CBFA2T2: variants seen among roughly 807,000 people sequenced by gnomAD.
The protein encoded by CBFA2T2 is protein CBFA2T2.
In CBFA2T2, 11 loss-of-function variants were observed where a neutral mutation model predicts 62.2. The observed-to-expected ratio is 0.18, with a 90% CI of 0.11 to 0.29. The LOEUF (loss-of-function observed/expected upper bound fraction) is 0.29, where lower values mean the gene tolerates loss of function less well. Among genes scored for constraint, CBFA2T2 ranks in the 10% least tolerant of loss-of-function variants. The pLI, the probability that CBFA2T2 is intolerant of heterozygous loss-of-function variation, is 1.00. For missense variants in CBFA2T2, 592 were observed against 774.1 expected, an observed-to-expected ratio of 0.76 and a Z score of 2.79; for synonymous variants, 295 against 287.5, an observed-to-expected ratio of 1.03 and a Z score of -0.27.
chr20:33,529,059 T>C (rs1962780665), intron 1 of CBFA2T2, among the ~76,000 whole-genome samples: 1 of 152,168 alleles, frequency 6.6e-6, no homozygotes, highest in South Asian at 2.1e-4. Flanking sequence ...GGAGTCTTGT[T>C]CTGTCGCCCA....
At position 33,564,965 on chromosome 20, in the gene CBFA2T2, G is replaced by T. The variant is rs148610094; in HGVS notation, c.35-41991G>T. On this transcript the variant is annotated intron_variant, in intron 1 of 10. Coordinates refer to ENST00000342704, the MANE Select transcript of CBFA2T2 (RefSeq NM_001032999.3). ...GACGGAGTCTCGCTCTGTCACCCAGGCTGGAGTGCAGCGGCGCGATCTCGA... is the reference window on the plus strand; with the variant it reads ...GACGGAGTCTCGCTCTGTCACCCAGTCTGGAGTGCAGCGGCGCGATCTCGA... 1.4e-3 allele frequency among the ~76,000 whole-genome samples: 213 copies of T among 152,016 alleles called. 1 individual carries two copies. Among genetic ancestry groups the T allele is most frequent in the African/African-American group, 4.9e-3 (205 of 41,432 alleles).
chr20:33,637,399 G>A lies in CBFA2T2; in HGVS notation c.1297+691G>A, dbSNP rs183987110. 1.9e-4 allele frequency among the ~76,000 whole-genome samples: 29 copies of A among 152,282 alleles called. No homozygotes were observed. In the East Asian group the frequency reaches 2.1e-3, roughly 11 times the overall value. ...CCTACATTCATAAAGACTCTTTTAA[G>A]AGCATCTAGACAGTAGTAAACAAAT... On this transcript the variant is annotated intron_variant, in intron 9 of 10. Coordinates refer to ENST00000342704, the MANE Select transcript of CBFA2T2 (RefSeq NM_001032999.3).
chr20:33,535,207 G>A (rs959649362), intron 1 of CBFA2T2, among the ~76,000 whole-genome samples: 1 of 152,262 alleles, frequency 6.6e-6, no homozygotes, highest in Admixed American at 6.5e-5. Flanking sequence ...TCAACTGGTG[G>A]CCAGCTAGCC....
At chr20:33,533,512 A>C (rs902687459) in intron 1 of CBFA2T2, among the ~76,000 whole-genome samples, 7 of 152,000 alleles carry the variant, frequency 4.6e-5, no homozygotes. Context: ...TTTATTGTTG[A>C]GTAGTATTCT....
At chr20:33,599,868 A>G (rs2015045579) in intron 1 of CBFA2T2, among the ~76,000 whole-genome samples, 2 of 152,216 alleles carry the variant, frequency 1.3e-5, no homozygotes, top group Non-Finnish European at 2.9e-5. Flanking sequence ...TGCTGGGATT[A>G]CAGGCGTGAG....
intron 1 of CBFA2T2, among the ~76,000 whole-genome samples, chr20:33,503,504 C>T (rs1341811509): frequency 2.0e-5 from 3 of 152,076 alleles, no homozygotes; most frequent in African/African-American, 7.2e-5. Context: ...CCGCCCGCCT[C>T]GGCCTCCCAA....
intron 1 of CBFA2T2, among the ~76,000 whole-genome samples, chr20:33,588,218 G>A (rs1295200152): frequency 6.6e-6 from 1 of 151,878 alleles, no homozygotes; most frequent in Non-Finnish European, 1.5e-5. Flanking sequence ...TTTTGTGTAT[G>A]GTATGTAGCT....
intron 5 of CBFA2T2, chr20:33,623,782 A>G (rs2016093541): frequency 1.4e-6 from 1 of 713,624 alleles, no homozygotes; most frequent in South Asian, 1.5e-5. Flanking sequence ...GCTGCATAAT[A>G]CATCTAAAAT....
chr20:33,630,000 C>A, intron 8 of CBFA2T2, 86 bp downstream of exon 8: 1 of 1,219,520 alleles, frequency 8.2e-7, no homozygotes, highest in Non-Finnish European at 1.1e-6. Flanking sequence ...TTCTACTTGA[C>A]TTTAAAGAAA....
intron 1 of CBFA2T2, among the ~76,000 whole-genome samples, chr20:33,559,189 T>C (rs2013010754): frequency 6.9e-6 from 1 of 144,040 alleles, no homozygotes; most frequent in African/African-American, 2.7e-5. Flanking sequence ...TTTTTTTTTT[T>C]TTTTCTGAGA....
At chr20:33,557,896 C>T (rs750617213) in intron 1 of CBFA2T2, among the ~76,000 whole-genome samples, 5 of 151,380 alleles carry the variant, frequency 3.3e-5, no homozygotes, top group African/African-American at 7.3e-5. Context: ...AGTGCAGTGG[C>T]GCGATCTCGG....
At chr20:33,512,092 G>A (rs961358810) in intron 1 of CBFA2T2, among the ~76,000 whole-genome samples, 1 of 151,970 alleles carries the variant, frequency 6.6e-6, no homozygotes. Context: ...TAGGAGAATC[G>A]CTTGAACCCG....
intron 1 of CBFA2T2, among the ~76,000 whole-genome samples, chr20:33,536,708 G>A (rs1276931686): frequency 4.6e-5 from 7 of 151,732 alleles, no homozygotes; most frequent in Non-Finnish European, 8.8e-5. Flanking sequence ...GGTCGCAGCC[G>A]GGTGCTCTCA....
intron 1 of CBFA2T2, among the ~76,000 whole-genome samples, chr20:33,601,189 C>T (rs2015118881): frequency 2.0e-5 from 3 of 152,170 alleles, no homozygotes; most frequent in African/African-American, 7.2e-5. Context: ...CTTGGGATTA[C>T]AGGCAGGAGC....
intron 10 of CBFA2T2, among the ~76,000 whole-genome samples, chr20:33,641,867 CTT>C (rs770790247): frequency 1.8e-4 from 25 of 135,564 alleles, no homozygotes; most frequent in Non-Finnish European, 1.9e-4. Flanking sequence ...TACAGATGGG[CTT>C]TTTTTTTTTT....
intron 1 of CBFA2T2, among the ~76,000 whole-genome samples, chr20:33,598,323 G>C (rs939414631): frequency 6.6e-6 from 1 of 152,020 alleles, no homozygotes; most frequent in Non-Finnish European, 1.5e-5. Flanking sequence ...CTGCAGTCTC[G>C]ACCATAAGAG....
At chr20:33,585,540 C>A (rs1422702788) in intron 1 of CBFA2T2, among the ~76,000 whole-genome samples, 2 of 152,176 alleles carry the variant, frequency 1.3e-5, no homozygotes, top group African/African-American at 4.8e-5. Context: ...GTTTAATTAA[C>A]CATTCTCTTG....
chr20:33,634,670 C>CAAAAAAAAAAAAA (rs758089440), intron 8 of CBFA2T2, among the ~76,000 whole-genome samples: 1 of 47,874 alleles, frequency 2.1e-5, no homozygotes, highest in African/African-American at 5.3e-5. Flanking sequence ...ACCCTATGTC[C>CAAAAAAAAAAAAA]AAAAAAAAAA....
intron 10 of CBFA2T2, among the ~76,000 whole-genome samples, chr20:33,642,116 T>G (rs6141993): frequency 0.2 from 11,893 of 58,246 alleles, 756 homozygotes; most frequent in Admixed American, 0.33. Context: ...TTTTTTTTTT[T>G]TGTGTGTGTG....
Sources: allele counts gnomAD v4.1 joint callset (sites outside exome capture counted in the v4.1 genomes callset), GRCh38; gene constraint gnomAD v4.1.1; transcripts MANE v1.5; gene names NCBI Gene and HGNC (gene_info 2026-07-23, HGNC 2026-07-21).